WWOX: variants seen among roughly 807,000 people sequenced by gnomAD.
WWOX encodes the protein WW domain-containing oxidoreductase.
Under a neutral mutation model 46.2 loss-of-function variants are expected in WWOX, and 69 were observed. That is an observed-to-expected ratio of 1.49 (90% confidence interval 1.23 to 1.82). WWOX has a LOEUF of 1.82. WWOX is among the 40% of genes most tolerant of loss of function. The pLI is 0.00. For synonymous variants in WWOX, 359 were observed against 202.6 expected, an observed-to-expected ratio of 1.77 and a Z score of -6.56; for missense variants, 919 against 542.6, an observed-to-expected ratio of 1.69 and a Z score of -6.89.
chr16:78,367,312 T>G (rs936451521), intron 5 of WWOX, among the ~76,000 whole-genome samples: 1 of 152,142 alleles, frequency 6.6e-6, no homozygotes, highest in Non-Finnish European at 1.5e-5. Flanking sequence ...TAAATCAAAT[T>G]TGTTCAACCT....
intron 8 of WWOX, among the ~76,000 whole-genome samples, chr16:78,910,082 T>C (rs994663455): frequency 1.3e-5 from 2 of 152,254 alleles, no homozygotes; most frequent in African/African-American, 2.4e-5. Context: ...ATTATCATTT[T>C]TCATGTGTAG....
intron 5 of WWOX, among the ~76,000 whole-genome samples, chr16:78,182,155 T>C (rs1198463093): frequency 6.6e-6 from 1 of 152,234 alleles, no homozygotes; most frequent in African/African-American, 2.4e-5. Flanking sequence ...ATTGCCTCAG[T>C]TTCCTCATCT....
chr16:78,691,377 C>T, intron 8 of WWOX: 1 of 684,052 alleles, frequency 1.5e-6, no homozygotes, highest in South Asian at 1.6e-5. Context: ...GAAAGGAAAT[C>T]TCCTAAGTTG....
At chr16:78,537,249 G>T (rs2043781196) in intron 8 of WWOX, among the ~76,000 whole-genome samples, 1 of 152,070 alleles carries the variant, frequency 6.6e-6, no homozygotes, top group Admixed American at 6.6e-5. Flanking sequence ...AGAGTTGTCT[G>T]CCTGCCTCCC....
At chr16:78,553,362 G>A (rs1364883096) in intron 8 of WWOX, 1 of 152,264 alleles carries the variant, frequency 6.6e-6, no homozygotes, top group East Asian at 1.9e-4. Flanking sequence ...AGGATTGGCT[G>A]GCTTGGGTCA....
chr16:78,234,228 T>G (rs1011827441), intron 5 of WWOX, among the ~76,000 whole-genome samples: 5 of 152,114 alleles, frequency 3.3e-5, no homozygotes, highest in African/African-American at 1.2e-4. Context: ...AAATTTGAGG[T>G]ATAATGTTCA....
In WWOX at chr16:78,714,017, G is replaced by T. The variant is rs116367522; in HGVS notation, c.1056+281265G>T. On this transcript the variant is annotated intron_variant, in intron 8 of 8. Transcript: ENST00000566780. ...GTTCTCTTTCCGTGACACTGCATTT[G>T]GGGGGAAGGTAAGGGAACTGGGGAA... 8.3e-3 allele frequency among the ~76,000 whole-genome samples: 1,268 copies of T among 152,196 alleles called. 19 individuals carry two copies. The highest frequency in any genetic ancestry group is 0.029 in the African/African-American group (1,203 of 41,514).
intron 8 of WWOX, among the ~76,000 whole-genome samples, chr16:78,783,567 C>T (rs987659373): frequency 3.3e-5 from 5 of 152,162 alleles, no homozygotes; most frequent in South Asian, 2.1e-4. Flanking sequence ...GTGTATGAGA[C>T]CTGAAGCCCT....
intron 8 of WWOX, among the ~76,000 whole-genome samples, chr16:78,467,468 G>A (rs540888928): frequency 1.3e-5 from 2 of 152,136 alleles, no homozygotes. Flanking sequence ...GACTAAGGCA[G>A]GATCAAAGGA....
chr16:78,690,811 A>G (rs949984148), intron 8 of WWOX, among the ~76,000 whole-genome samples: 6 of 152,136 alleles, frequency 3.9e-5, no homozygotes, highest in Non-Finnish European at 5.9e-5. Flanking sequence ...AATGAATGGC[A>G]TATGCGTATG....
chr16:78,314,688 G>GGTTTTT (rs1555517825), intron 5 of WWOX, among the ~76,000 whole-genome samples: 4 of 90,508 alleles, frequency 4.4e-5, no homozygotes, highest in African/African-American at 2.0e-4. Context: ...CCCTGCAGGG[G>GGTTTTT]TTTTTTTTTT....
chr16:78,856,612 C>T (rs997128730), intron 8 of WWOX, among the ~76,000 whole-genome samples: 3 of 152,098 alleles, frequency 2.0e-5, no homozygotes, highest in Admixed American at 6.5e-5. Context: ...CACTGCACTC[C>T]AGCGTGGGTG....
intron 8 of WWOX, among the ~76,000 whole-genome samples, chr16:78,641,713 G>C (rs1039015525): frequency 1.3e-5 from 2 of 152,112 alleles, no homozygotes. Flanking sequence ...TTTATGTATG[G>C]ATTAACACAG....
At chr16:78,964,255 A>G (rs2046325221) in intron 8 of WWOX, among the ~76,000 whole-genome samples, 1 of 152,198 alleles carries the variant, frequency 6.6e-6, no homozygotes, top group Non-Finnish European at 1.5e-5. Flanking sequence ...AATGTGGGAA[A>G]GTTTGGAGCT....
At chr16:78,799,449 A>T (rs1118734) in intron 8 of WWOX, among the ~76,000 whole-genome samples, 60,448 of 152,102 alleles carry the variant, frequency 0.4, 12,346 homozygotes, top group African/African-American at 0.46. Flanking sequence ...AACTGATTTT[A>T]CTCACCAGGG....
intron 8 of WWOX, among the ~76,000 whole-genome samples, chr16:78,462,753 T>C (rs1330069870): frequency 6.6e-6 from 1 of 152,244 alleles, no homozygotes; most frequent in Non-Finnish European, 1.5e-5. Context: ...TGTCAGTTGT[T>C]GTAAACTCGT....
chr16:78,958,872 C>T (rs924874513), intron 8 of WWOX, among the ~76,000 whole-genome samples: 2 of 152,072 alleles, frequency 1.3e-5, no homozygotes, highest in African/African-American at 4.8e-5. Context: ...AAGAAAAAAA[C>T]ATGTTTGTTG....
At chr16:79,027,801 G>A (rs555065489) in intron 8 of WWOX, among the ~76,000 whole-genome samples, 4 of 151,756 alleles carry the variant, frequency 2.6e-5, no homozygotes, top group Admixed American at 2.6e-4. Flanking sequence ...AGCATTTCTC[G>A]GGATGGTTTT....
At chr16:78,951,150 C>T (rs994928134) in intron 8 of WWOX, among the ~76,000 whole-genome samples, 9 of 152,188 alleles carry the variant, frequency 5.9e-5, no homozygotes, top group African/African-American at 2.2e-4. Context: ...TGATTGGCAA[C>T]TGGGAAGCCT....
Sources: gnomAD v4.1 joint callset for allele counts (sites outside exome capture counted in the v4.1 genomes callset) on GRCh38, gnomAD v4.1.1 for gene constraint, MANE v1.5 for transcripts, NCBI Gene and HGNC (gene_info 2026-07-23, HGNC 2026-07-21) for gene names.